PHF6: variants seen among roughly 807,000 people sequenced by gnomAD.
PHF6 encodes the protein PHD finger protein 6, also known as PHD-like zinc finger protein.
Under a neutral mutation model 34.0 loss-of-function variants are expected in PHF6, and 7 were observed. That is an observed-to-expected ratio of 0.21 (90% confidence interval 0.12 to 0.39). The LOEUF is 0.39. Ranked by LOEUF, PHF6 falls within the 10% of genes least tolerant of loss-of-function variation. The pLI is 1.00. For synonymous variants in PHF6, 89 were observed against 88.4 expected (o/e 1.01, Z -0.04); for missense variants, 128 against 262.8 (o/e 0.49, Z 3.55).
intron 3 of PHF6, among the ~76,000 whole-genome samples, chrX:134,380,255 T>C (rs1292458960): frequency 9.3e-6 from 1 of 107,071 alleles, no homozygotes; most frequent in Non-Finnish European, 1.9e-5. Flanking sequence ...CACACCATTC[T>C]CCTGCCTCAG....
intron 5 of PHF6, among the ~76,000 whole-genome samples, chrX:134,407,683 A>G (rs184913882): frequency 8.9e-6 from 1 of 112,493 alleles, no homozygotes; most frequent in East Asian, 2.8e-4. Flanking sequence ...AGTATTTTAC[A>G]TGCACTAATT....
At chrX:134,419,095 C>T (rs1361162736) in intron 9 of PHF6, 8 of 111,593 alleles carry the variant, frequency 7.2e-5, no homozygotes, top group Non-Finnish European at 1.5e-4. Context: ...CAAGCGTTCT[C>T]CCTGCCTCAG....
chrX:134,375,940 C>G (rs2077276586), intron 1 of PHF6, among the ~76,000 whole-genome samples: 1 of 111,123 alleles, frequency 9.0e-6, no homozygotes, highest in African/African-American at 3.3e-5. Context: ...CAATCAGTTT[C>G]ACGGTTTATA....
intron 8 of PHF6, 39 bp downstream of exon 8, chrX:134,415,159 G>T: frequency 8.3e-7 from 1 of 1,206,987 alleles, no homozygotes; most frequent in Non-Finnish European, 1.1e-6. Context: ...CATTACACTT[G>T]ATTTGCTGCT....
Position 134,413,965 on chromosome X carries a change from T to C in PHF6, c.728T>C (p.Met243Thr). 8.3e-7 allele frequency: 1 copy of C among 1,208,785 alleles called. No homozygotes were observed. The highest frequency in any genetic ancestry group is 1.1e-6 in the Non-Finnish European group (1 of 893,441). The change falls in exon 7 of 11, where the codon ATG becomes ACG. Residue 243 changes from methionine to threonine, a missense_variant and splice_region_variant. By Grantham distance (81) the Met-to-Thr change is moderately conservative. Around this residue, in one of 3 missense-constraint regions of PHF6, gnomAD observed 16 missense variants for 93.7 expected, o/e 0.17. Transcript: ENST00000370803. ...AKKAAAHYKC[M>T]LFSSGTVQLT... ...AAGGCAGCTGCCCATTATAAGTGCA[T>C]GGTAAGCATGGTTCTTTTAAGCCCA... is the stretch of plus-strand genomic sequence containing the variant.
intron 5 of PHF6, among the ~76,000 whole-genome samples, chrX:134,405,816 A>AT (rs78613336): frequency 0.15 from 15,683 of 106,143 alleles, 1,138 homozygotes; most frequent in African/African-American, 0.27. Flanking sequence ...ATATATATAT[A>AT]ATATCAAGTA....
intron 7 of PHF6, among the ~76,000 whole-genome samples, chrX:134,414,737 T>A (rs1322632125): frequency 9.0e-6 from 1 of 111,610 alleles, no homozygotes; most frequent in Non-Finnish European, 1.9e-5. Context: ...AAATGTAAAA[T>A]AGTTGAGAAT....
chrX:134,375,688 T>C (rs1487745502), intron 1 of PHF6, among the ~76,000 whole-genome samples: 1 of 111,920 alleles, frequency 8.9e-6, no homozygotes, highest in Non-Finnish European at 1.9e-5. Context: ...GTACTATTCA[T>C]TGCATAGTAG....
At chrX:134,378,422 A>G (rs1350583059) in intron 3 of PHF6, among the ~76,000 whole-genome samples, 1 of 112,140 alleles carries the variant, frequency 8.9e-6, no homozygotes, top group Admixed American at 9.5e-5. Flanking sequence ...TAAAGTCTTC[A>G]TTCAAGTTTA....
chrX:134,375,163 A>G (rs2077273395), intron 1 of PHF6, among the ~76,000 whole-genome samples: 1 of 112,058 alleles, frequency 8.9e-6, no homozygotes, highest in Admixed American at 9.5e-5. Context: ...ATATGCGCAG[A>G]TGTATTATTT....
At chrX:134,397,637 A>C (rs991075367) in intron 5 of PHF6, among the ~76,000 whole-genome samples, 3 of 111,869 alleles carry the variant, frequency 2.7e-5, no homozygotes, top group Non-Finnish European at 5.6e-5. Flanking sequence ...GTGACAGAGC[A>C]AGACTTGGTC....
In PHF6 at chrX:134,378,126, T is replaced by A. The variant is rs1186554458; in HGVS notation, c.240+20T>A. The A allele has an allele frequency of 9.5e-7, 1 of 1,056,945 alleles. No individual in the cohort carries two copies. The highest frequency in any genetic ancestry group is 1.9e-5 in the South Asian group (1 of 52,387). 87.1% of individuals were successfully genotyped at this position (1,056,945 alleles called of 1,213,427 possible). A position where few individuals can be genotyped will look rare whatever the true frequency, so the allele number is the denominator to read the frequency against. Reference sequence around the variant, plus strand: ...AAGCTGGTAAGTTGGTATTTCTGCCTCTTGAGAATAAAAATTATTTAAACT... The same window carrying A: ...AAGCTGGTAAGTTGGTATTTCTGCCACTTGAGAATAAAAATTATTTAAACT... On this transcript the variant is annotated intron_variant, in intron 3 of 10. Transcript: ENST00000370803.
At chrX:134,414,284 G>A (rs1368240210) in intron 7 of PHF6, among the ~76,000 whole-genome samples, 2 of 111,409 alleles carry the variant, frequency 1.8e-5, no homozygotes, top group African/African-American at 3.3e-5. Flanking sequence ...TTATAAGCAT[G>A]TCATGAAATA....
intron 3 of PHF6, among the ~76,000 whole-genome samples, chrX:134,379,464 CAG>C (rs2077296232): frequency 3.2e-5 from 2 of 62,224 alleles, no homozygotes; most frequent in Admixed American, 2.4e-4. Context: ...TTTTTTGAGA[CAG>C]AGTTTCACTC....
At chrX:134,403,553 A>G (rs955405350) in intron 5 of PHF6, among the ~76,000 whole-genome samples, 1 of 112,571 alleles carries the variant, frequency 8.9e-6, no homozygotes, top group Non-Finnish European at 1.9e-5. Flanking sequence ...ACTGAGTTAT[A>G]CAGAGGATCT....
At chrX:134,394,460 C>T (rs1478473732) in intron 5 of PHF6, among the ~76,000 whole-genome samples, 1 of 109,519 alleles carries the variant, frequency 9.1e-6, no homozygotes, top group Non-Finnish European at 1.9e-5. Flanking sequence ...AAAACTTTTA[C>T]CCCAAAGTCC....
intron 3 of PHF6, among the ~76,000 whole-genome samples, chrX:134,382,415 A>C (rs2077311318): frequency 9.0e-6 from 1 of 111,210 alleles, no homozygotes; most frequent in Non-Finnish European, 1.9e-5. Flanking sequence ...AAGAAATGCA[A>C]ATTTCCAAGT....
At chrX:134,410,314 C>T (rs1275656014) in intron 5 of PHF6, among the ~76,000 whole-genome samples, 2 of 111,631 alleles carry the variant, frequency 1.8e-5, no homozygotes, top group Non-Finnish European at 3.8e-5. Flanking sequence ...TGTTTTTTGA[C>T]TCTTTAATAA....
intron 3 of PHF6, among the ~76,000 whole-genome samples, chrX:134,384,752 C>T (rs953771525): frequency 1.8e-5 from 2 of 109,970 alleles, no homozygotes; most frequent in Non-Finnish European, 3.8e-5. Flanking sequence ...CCTGGGTTCA[C>T]ACCATTCTCC....
Sources: gnomAD v4.1 joint callset for allele counts (sites outside exome capture counted in the v4.1 genomes callset) on GRCh38, gnomAD v4.1.1 for gene constraint, gnomAD v4.1.1 regional missense constraint, MANE v1.5 for transcripts, NCBI Gene and HGNC (gene_info 2026-07-23, HGNC 2026-07-21) for gene names.